Variants in MAGI2 observed in about 807,000 individuals in gnomAD.
MAGI2 encodes the protein membrane associated guanylate kinase, WW and PDZ domain containing 2.
In MAGI2, 35 loss-of-function variants were observed where a neutral mutation model predicts 133.3. The ratio of observed to expected loss-of-function variants is 0.26; its 90% CI spans 0.20 to 0.35. The LOEUF (loss-of-function observed/expected upper bound fraction) is 0.35, where lower values mean the gene tolerates loss of function less well. Ranked by LOEUF, MAGI2 falls within the 10% of genes least tolerant of loss-of-function variation. The pLI is 1.00. For missense variants in MAGI2, 1,636 were observed against 1,863.4 expected (o/e 0.88, Z 2.25); for synonymous variants, 729 against 710.6 (o/e 1.03, Z -0.41).
At chr7:78,962,123 T>C (rs1417799676) in intron 2 of MAGI2, among the ~76,000 whole-genome samples, 1 of 152,108 alleles carries the variant, frequency 6.6e-6, no homozygotes, top group East Asian at 1.9e-4. Flanking sequence ...AGACTGTACA[T>C]TCACTAAACA....
intron 2 of MAGI2, among the ~76,000 whole-genome samples, chr7:78,726,636 T>G (rs11772790): frequency 2.0e-5 from 3 of 152,090 alleles, no homozygotes; most frequent in Admixed American, 6.6e-5. Flanking sequence ...GAATAAATGG[T>G]TTCAACATTA....
intron 20 of MAGI2, among the ~76,000 whole-genome samples, chr7:78,115,982 C>A (rs1338315084): frequency 6.6e-6 from 1 of 152,164 alleles, no homozygotes; most frequent in Non-Finnish European, 1.5e-5. Context: ...ATGAACAAAT[C>A]TATACAACAC....
intron 9 of MAGI2, among the ~76,000 whole-genome samples, chr7:78,309,269 G>A (rs527556465): frequency 5.9e-5 from 9 of 152,248 alleles, no homozygotes; most frequent in African/African-American, 1.9e-4. Context: ...TCACAATAGC[G>A]AAGACAAGGA....
chr7:78,309,228 A>G (rs1798488333), intron 9 of MAGI2, among the ~76,000 whole-genome samples: 1 of 152,150 alleles, frequency 6.6e-6, no homozygotes, highest in Admixed American at 6.5e-5. Flanking sequence ...CCAAAAAGAC[A>G]CATGCATTTG....
intron 1 of MAGI2, among the ~76,000 whole-genome samples, chr7:79,326,660 A>AT (rs11461411): frequency 0.31 from 46,444 of 148,678 alleles, 7,432 homozygotes; most frequent in East Asian, 0.48. Flanking sequence ...TCAGTGATAC[A>AT]TTTTTTTTTT....
chr7:78,069,710 A>C (rs1421143031), intron 21 of MAGI2, among the ~76,000 whole-genome samples: 1 of 152,004 alleles, frequency 6.6e-6, no homozygotes, highest in African/African-American at 2.4e-5. Context: ...GTGTAAGAAA[A>C]ATTTTCTTGA....
chr7:78,992,346 C>T (rs561605638), intron 2 of MAGI2, among the ~76,000 whole-genome samples: 22 of 152,110 alleles, frequency 1.4e-4, no homozygotes, highest in African/African-American at 5.1e-4. Flanking sequence ...CACCCAGCCA[C>T]TCATGTGTAC....
intron 2 of MAGI2, among the ~76,000 whole-genome samples, chr7:78,933,046 A>AAG (rs1800253734): frequency 6.6e-6 from 1 of 152,064 alleles, no homozygotes; most frequent in South Asian, 2.1e-4. Flanking sequence ...TTACCAGTCG[A>AAG]TTATTATGCT....
At chr7:79,138,174 C>T (rs550518638) in intron 1 of MAGI2, among the ~76,000 whole-genome samples, 6 of 152,226 alleles carry the variant, frequency 3.9e-5, no homozygotes, top group South Asian at 2.1e-4. Flanking sequence ...ACTGTAAGAT[C>T]GTAAATTTGC....
chr7:78,127,689 T>C (rs575488154), intron 18 of MAGI2, among the ~76,000 whole-genome samples: 1 of 152,356 alleles, frequency 6.6e-6, no homozygotes, highest in East Asian at 1.9e-4. Flanking sequence ...CTCATGGATG[T>C]TCCTCTTTGA....
At chr7:79,205,987 T>C (rs1829019497) in intron 1 of MAGI2, among the ~76,000 whole-genome samples, 1 of 151,304 alleles carries the variant, frequency 6.6e-6, no homozygotes, top group Non-Finnish European at 1.5e-5. Flanking sequence ...TATGGGTCAA[T>C]GAGTCAATGA....
intron 1 of MAGI2, among the ~76,000 whole-genome samples, chr7:79,112,412 G>T (rs117843404): frequency 2.0e-5 from 3 of 152,122 alleles, no homozygotes; most frequent in Non-Finnish European, 4.4e-5. Context: ...TATATCAATA[G>T]TTTTAATTAG....
chr7:78,594,361 T>A lies in MAGI2; in HGVS notation c.538+32759A>T, dbSNP rs144220632. 1.8e-4 allele frequency among the ~76,000 whole-genome samples: 28 copies of A among 152,364 alleles called. No homozygotes were observed. The East Asian group carries it at 4.0e-3, about 22-fold the overall frequency. On this transcript the variant is annotated intron_variant, in intron 3 of 21. Transcript: ENST00000354212. ...ATTAAAAGCTGAAAGAGCCAGTGAC[T>A]TTATACAAAGGCTGGAATGTAACAA...
chr7:78,699,496 T>C (rs1312608475), intron 2 of MAGI2, among the ~76,000 whole-genome samples: 1 of 152,184 alleles, frequency 6.6e-6, no homozygotes, highest in African/African-American at 2.4e-5. Context: ...ATAAATTCCA[T>C]GTTTAGATGT....
At chr7:78,919,448 A>G (rs901737424) in intron 2 of MAGI2, among the ~76,000 whole-genome samples, 5 of 152,136 alleles carry the variant, frequency 3.3e-5, no homozygotes, top group African/African-American at 1.2e-4. Context: ...TGCTATCAAT[A>G]TTGCATGATG....
At chr7:78,085,271 A>G (rs550553030) in intron 20 of MAGI2, among the ~76,000 whole-genome samples, 6 of 152,248 alleles carry the variant, frequency 3.9e-5, no homozygotes, top group Admixed American at 1.3e-4. Flanking sequence ...GCTCATGCCT[A>G]TAATCTCAGT....
chr7:78,461,944 A>AAAAG (rs1244677467), intron 6 of MAGI2, among the ~76,000 whole-genome samples: 3 of 94,278 alleles, frequency 3.2e-5, no homozygotes, highest in African/African-American at 4.5e-5. Context: ...AAAAAAAAAA[A>AAAAG]AAAGAAAGAA....
chr7:79,238,988 T>C (rs1832162069), intron 1 of MAGI2, among the ~76,000 whole-genome samples: 1 of 152,124 alleles, frequency 6.6e-6, no homozygotes, highest in African/African-American at 2.4e-5. Flanking sequence ...TGAATGATCA[T>C]TTTAGAACAC....
chr7:78,239,669 T>C (rs12216589), intron 10 of MAGI2, among the ~76,000 whole-genome samples: 44,443 of 152,136 alleles, frequency 0.29, 7,564 homozygotes, highest in Non-Finnish European at 0.37. Context: ...TCAACATCAC[T>C]AATCATCAGG....
Sources: gnomAD v4.1 joint callset for allele counts (sites outside exome capture counted in the v4.1 genomes callset) on GRCh38, gnomAD v4.1.1 for gene constraint, MANE v1.5 for transcripts, NCBI Gene and HGNC (gene_info 2026-07-23, HGNC 2026-07-21) for gene names.